Variants in GRID2IP observed in about 807,000 individuals in gnomAD.
GRID2IP encodes the protein delphilin.
In GRID2IP, 78 loss-of-function variants were observed where a neutral mutation model predicts 114.3. The ratio of observed to expected loss-of-function variants is 0.68; its 90% CI spans 0.57 to 0.82. GRID2IP has a LOEUF of 0.82. Ranked by LOEUF, GRID2IP falls within the 40% of genes least tolerant of loss-of-function variation. The probability of loss-of-function intolerance (pLI) is 0.00; values close to 1 mark genes in which losing one functional copy is unlikely to be tolerated. For synonymous variants in GRID2IP, 809 were observed against 724.0 expected, an observed-to-expected ratio of 1.12 and a Z score of -1.89; for missense variants, 1,727 against 1,678.5, an observed-to-expected ratio of 1.03 and a Z score of -0.51.
Position 6,539,779 on chromosome 7 carries a change from C to A in GRID2IP, c.523G>T (p.Val175Leu), listed in dbSNP as rs1189907365. The change falls in exon 2 of 22, where the codon GTG becomes TTG. Residue 175 changes from valine (V) to leucine (L), a missense_variant. Transcript: ENST00000457091. ...GGCAGCGCCAGGGTGAGAGTCCACA[C>A]CAGATCATCCACCCGCTGCTCAGCT... Reference protein sequence around the residue: ...FAAEQRVDDLVWTLTLALPRE... With the variant: ...FAAEQRVDDLLWTLTLALPRE... 6 of 1,550,466 alleles carry A rather than the reference C, an allele frequency of 3.9e-6. No homozygotes were observed. In the East Asian group the frequency reaches 1.2e-4, roughly 32 times the overall value.
intron 2 of GRID2IP, among the ~76,000 whole-genome samples, chr7:6,529,148 GCAA>G (rs1374534438): frequency 1.3e-5 from 2 of 152,074 alleles, no homozygotes; most frequent in Non-Finnish European, 2.9e-5. Flanking sequence ...CCTTCCAGCA[GCAA>G]CTAGAAAAGG....
rs1047594600 is a variant in GRID2IP at position 6,519,922 on chromosome 7, A to C, written c.1268+656T>G. ...AAAGAAAGACACCAACCCTACCCCG[A>C]AGGGCCTAGCCCATGACAAGTGCCC... is the stretch of plus-strand genomic sequence containing the variant. On this transcript the variant is annotated intron_variant, in intron 7 of 21. Coordinates refer to ENST00000457091, the MANE Select transcript of GRID2IP (RefSeq NM_001145118.2). This position sits in a 1 kb window ranked among gnomAD's most constrained non-coding sequence, Gnocchi z 4.1. 6.6e-6 allele frequency among the ~76,000 whole-genome samples: 1 copy of C among 152,180 alleles called. No homozygotes were observed. Among genetic ancestry groups the C allele is most frequent in the Non-Finnish European group, 1.5e-5 (1 of 68,042 alleles).
At chr7:6,504,570 G>A (rs1786520572) in intron 15 of GRID2IP, among the ~76,000 whole-genome samples, 1 of 152,174 alleles carries the variant, frequency 6.6e-6, no homozygotes, top group Non-Finnish European at 1.5e-5. Flanking sequence ...TGGAGGCGGG[G>A]CCAGAACCGG....
chr7:6,529,601 G>C (rs536057678), intron 2 of GRID2IP, among the ~76,000 whole-genome samples: 91 of 152,282 alleles, frequency 6.0e-4, no homozygotes, highest in Non-Finnish European at 1.1e-3. Context: ...ATCCAACCTG[G>C]CTCCTGCTGG....
At chr7:6,538,504 C>G (rs1779765001) in intron 2 of GRID2IP, among the ~76,000 whole-genome samples, 1 of 151,806 alleles carries the variant, frequency 6.6e-6, no homozygotes, top group Non-Finnish European at 1.5e-5. Context: ...GAGTTGGAGG[C>G]TGCAGTGAGC....
At chr7:6,501,753 G>A (rs2115351860) in intron 20 of GRID2IP, 28 bp downstream of exon 20, 1 of 1,489,122 alleles carries the variant, frequency 6.7e-7, no homozygotes, top group East Asian at 2.5e-5. Context: ...ATCCAGCCTG[G>A]TGCAGGAACA....
chr7:6,514,634 C>T, intron 7 of GRID2IP, 105 bp from the exon 8 acceptor site: 1 of 1,021,122 alleles, frequency 9.8e-7, no homozygotes, highest in Non-Finnish European at 1.3e-6. Flanking sequence ...CGTCTGCCCT[C>T]ATGCCCTATC....
rs1027180257 is a variant in GRID2IP, at chr7:6,520,649, C to A, written c.1197G>T (p.Gln399His). Residue 399 changes from glutamine to histidine, a missense_variant, in exon 7 of 22, where the codon CAG (glutamine) becomes CAT (histidine). By Grantham distance (24) the Gln-to-His change is conservative. Transcript: ENST00000457091. This position sits in a 1 kb window ranked among gnomAD's most constrained non-coding sequence, Gnocchi z 4.6. ...CAGGAGGTGTGAGTAGGTGCTCCAGCTGCTGGCTGAAGGTCCTCCCTTGGA... is the reference window on the plus strand; with the variant it reads ...CAGGAGGTGTGAGTAGGTGCTCCAGATGCTGGCTGAAGGTCCTCCCTTGGA... ...IRVQGRTFSQ[Q>H]LEHLLTPPER... 2 of 1,551,622 alleles carry A rather than the reference C, an allele frequency of 1.3e-6. No homozygotes were observed. The highest frequency in any genetic ancestry group is 2.7e-5 in the African/African-American group (2 of 73,074).
At chr7:6,537,726 G>C (rs1051569190) in intron 2 of GRID2IP, among the ~76,000 whole-genome samples, 1 of 151,694 alleles carries the variant, frequency 6.6e-6, no homozygotes, top group Admixed American at 6.6e-5. Flanking sequence ...GCGTGGCATC[G>C]TGGCACCCAG....
At chr7:6,504,999 G>A (rs78696194) in intron 14 of GRID2IP, 129 bp from the exon 15 acceptor site, 129,952 of 712,226 alleles carry the variant, frequency 0.18, 13,701 homozygotes, top group Non-Finnish European at 0.21. Flanking sequence ...TCAGCTACAC[G>A]TCCATAGTCC....
intron 1 of GRID2IP, 32 bp downstream of exon 1, chr7:6,550,976 T>TCC: frequency 1.3e-5 from 13 of 1,015,770 alleles, no homozygotes; most frequent in East Asian, 3.8e-5. Context: ...GCCCCCTCCT[T>TCC]CCCGCCCCCA....
At position 6,520,714 on chromosome 7, in the gene GRID2IP, G is replaced by A; in HGVS notation, c.1132C>T (p.Leu378=). 1 of 1,551,694 alleles carries A rather than the reference G, an allele frequency of 6.4e-7. No homozygotes were observed. The highest frequency in any genetic ancestry group is 8.7e-7 in the Non-Finnish European group (1 of 1,146,996). The part of the protein sequence containing the change: ...SPNPSSALTS[L]QWVAEILPSS... The stretch of plus-strand genomic sequence containing the variant: ...GGCAGGATCTCCGCCACCCACTGCA[G>A]GGAGGTGAGCGCCGACGACGGGTTG... Residue 378 remains leucine (L), a synonymous_variant, in exon 7 of 22, where the codon CTG becomes TTG. Coordinates refer to ENST00000457091, the MANE Select transcript of GRID2IP (RefSeq NM_001145118.2). The surrounding 1 kb of genome is among the most constrained non-coding windows in gnomAD (Gnocchi z 4.6).
rs899391951 is a variant in GRID2IP at position 6,523,336 on chromosome 7, C to T, written c.920-1379G>A. Reference sequence around the variant, plus strand: ...GAGTGATGGTGGTGGCGAATCCAATCTGGCCTGCCTGGAATGGTGGGACAG... The same window carrying T: ...GAGTGATGGTGGTGGCGAATCCAATTTGGCCTGCCTGGAATGGTGGGACAG... On this transcript the variant is annotated intron_variant, in intron 4 of 21. Transcript: ENST00000457091. This position sits in a 1 kb window ranked among gnomAD's most constrained non-coding sequence, Gnocchi z 4.5. Among the ~76,000 whole-genome samples, 3 of 151,986 alleles carry T rather than the reference C, an allele frequency of 2.0e-5. No homozygotes were observed. Among genetic ancestry groups the T allele is most frequent in the Non-Finnish European group, 4.4e-5 (3 of 68,002 alleles).
At chr7:6,515,716 G>A (rs1284059387) in intron 7 of GRID2IP, among the ~76,000 whole-genome samples, 23 of 151,182 alleles carry the variant, frequency 1.5e-4, no homozygotes, top group East Asian at 2.0e-4. Context: ...TCGGGGAGGC[G>A]GAGGTTGCAC....
intron 20 of GRID2IP, among the ~76,000 whole-genome samples, chr7:6,498,712 G>A (rs886737765): frequency 1.4e-5 from 2 of 147,798 alleles, no homozygotes; most frequent in Admixed American, 6.9e-5. Context: ...TCAGCCTCCC[G>A]AGCAGCTGGG....
intron 1 of GRID2IP, among the ~76,000 whole-genome samples, chr7:6,542,306 C>CAAAAAAAAAAAAAA (rs56154707): frequency 1.1e-5 from 1 of 95,194 alleles, no homozygotes; most frequent in African/African-American, 3.8e-5. Flanking sequence ...AACTCCATCT[C>CAAAAAAAAAAAAAA]AAAAAAAAAA....
At chr7:6,541,398 C>T (rs996501574) in intron 1 of GRID2IP, among the ~76,000 whole-genome samples, 2 of 152,280 alleles carry the variant, frequency 1.3e-5, no homozygotes, top group African/African-American at 2.4e-5. Context: ...CCATACTGTG[C>T]GCTGAGAGAT....
At position 6,509,267 on chromosome 7, in the gene GRID2IP, CA is replaced by C; in HGVS notation, c.1817del (p.Leu606CysfsTer81). 2 of 1,527,774 alleles carry C rather than the reference CA, an allele frequency of 1.3e-6. No homozygotes were observed. Among genetic ancestry groups the C allele is most frequent in the Non-Finnish European group, 8.8e-7 (1 of 1,135,238 alleles). The allele number at this position is 1,527,774 out of a possible 1,614,324, so 94.6% of individuals were successfully genotyped here. ...SGVSWPSERL[L>X]PSPCYHPLCS... ...ACAGCGGGTGGTAGCAGGGGGAGGG[CA>C]AGAGTCGCTCGCTGGGCCATGAGAC... On this transcript the variant is annotated frameshift_variant, in exon 12 of 22. Transcript: ENST00000457091. LOFTEE classifies it high-confidence loss of function. The surrounding 1 kb of genome is among the most constrained non-coding windows in gnomAD (Gnocchi z 4.9).
intron 17 of GRID2IP, 22 bp from the exon 18 acceptor site, chr7:6,502,894 G>C (rs1474962214): frequency 5.8e-6 from 9 of 1,545,654 alleles, no homozygotes; most frequent in Middle Eastern, 1.7e-4. Flanking sequence ...AAGGTGGGTA[G>C]GTCCTGTCCT....
Sources: allele counts gnomAD v4.1 joint callset (sites outside exome capture counted in the v4.1 genomes callset), GRCh38; gene constraint gnomAD v4.1.1; non-coding constraint Gnocchi (gnomAD v3.1); transcripts MANE v1.5; gene names NCBI Gene and HGNC (gene_info 2026-07-23, HGNC 2026-07-21).